The following WSB1 variants were observed in gnomAD, a reference collection of about 807,000 sequenced individuals.
The protein encoded by WSB1 is WD repeat and SOCS box containing 1, also known as WD repeat and SOCS box-containing protein 1.
Under a neutral mutation model 50.2 loss-of-function variants are expected in WSB1, and 23 were observed. That is an observed-to-expected ratio of 0.46 (90% CI 0.33 to 0.65). The LOEUF is 0.65. WSB1 is among the 30% of genes least tolerant of loss of function. The pLI is 0.02. For missense variants in WSB1, 492 were observed against 522.3 expected (o/e 0.94, Z 0.56); for synonymous variants, 179 against 172.0 (o/e 1.04, Z -0.32).
intron 2 of WSB1, chr17:27,302,845 C>A: frequency 6.5e-6 from 1 of 152,862 alleles, no homozygotes. Flanking sequence ...TATATTGGAT[C>A]TTTCCCTGTT....
Position 27,301,781 on chromosome 17 carries a change from C to T in WSB1, c.41-7C>T, listed in dbSNP as rs1365648963. The T allele has an allele frequency of 4.3e-6, 7 of 1,612,242 alleles. No homozygotes were observed. Among genetic ancestry groups the T allele is most frequent in the Non-Finnish European group, 5.9e-6 (7 of 1,179,298 alleles). On this transcript the variant is annotated splice_region_variant and splice_polypyrimidine_tract_variant and intron_variant, in intron 1 of 8. Transcript: ENST00000262394. ...ATGATATCCAGTATTTTTATTTTTC[C>T]TTTTAGTGAGATTACGTACTATAGG...
At chr17:27,308,984 C>T in intron 5 of WSB1, 116 bp from the exon 6 acceptor site, 8 of 1,324,402 alleles carry the variant, frequency 6.0e-6, no homozygotes, top group Non-Finnish European at 7.8e-6. Flanking sequence ...TTAAATTACT[C>T]ATAATTTATA....
chr17:27,299,232 A>C (rs928996379), intron 1 of WSB1, among the ~76,000 whole-genome samples: 9 of 152,094 alleles, frequency 5.9e-5, no homozygotes, highest in African/African-American at 2.2e-4. Flanking sequence ...TTGTATTAAG[A>C]AAGTTATGTG....
intron 7 of WSB1, 35 bp from the exon 8 acceptor site, chr17:27,311,474 T>C: frequency 6.5e-7 from 1 of 1,549,426 alleles, no homozygotes; most frequent in Non-Finnish European, 8.7e-7. Context: ...CCTTACATTT[T>C]CTACAAGATA....
chr17:27,303,832 T>C (rs1038612106), intron 3 of WSB1, 197 bp downstream of exon 3: 70 of 627,138 alleles, frequency 1.1e-4, no homozygotes, highest in Non-Finnish European at 1.8e-4. Context: ...GGAGTTCATA[T>C]TGCTTCATCA....
Position 27,309,088 on chromosome 17 carries a change from T to G in WSB1, c.712-12T>G. ...TCTGAATGAAGCTATAACATTTGCC[T>G]TTTTATTGCAGGTTTTCCTTTGGAA... On this transcript the variant is annotated splice_polypyrimidine_tract_variant and intron_variant, in intron 5 of 8. Coordinates refer to ENST00000262394, the MANE Select transcript of WSB1 (RefSeq NM_015626.10). 6.3e-7 allele frequency: 1 copy of G among 1,591,844 alleles called. No homozygotes were observed. Among genetic ancestry groups the G allele is most frequent in the Non-Finnish European group, 8.6e-7 (1 of 1,166,204 alleles).
At chr17:27,303,230 T>C in intron 2 of WSB1, 137 bp from the exon 3 acceptor site, 1 of 956,676 alleles carries the variant, frequency 1.0e-6, no homozygotes. Flanking sequence ...TCCCTTCCTA[T>C]CTATAGGATT....
rs1193105760 is a variant in WSB1 at position 27,294,240 on chromosome 17, G to C, written c.-156G>C. On this transcript the variant is annotated 5_prime_UTR_variant, in exon 1 of 9. Transcript: ENST00000262394. ...CTGAGGCCTTCGGGAGCTTTCCCGA[G>C]GCAGTTAGCAGAAGCCGCAGCGGCC... The C allele has an allele frequency of 8.2e-6, 8 of 977,558 alleles. No individual in the cohort carries two copies. In the African/African-American group the frequency reaches 1.3e-4, roughly 16 times the overall value. The allele number at this position is 977,558 out of a possible 1,614,324, so 60.6% of individuals were successfully genotyped here.
intron 1 of WSB1, among the ~76,000 whole-genome samples, chr17:27,296,237 C>A (rs1440783156): frequency 1.3e-5 from 2 of 151,100 alleles, no homozygotes; most frequent in African/African-American, 4.9e-5. Flanking sequence ...TTTCTCTTTT[C>A]TTTTCTTTCT....
At chr17:27,303,167 G>A (rs1221278396) in intron 2 of WSB1, 200 bp from the exon 3 acceptor site, 3 of 563,804 alleles carry the variant, frequency 5.3e-6, no homozygotes, top group Admixed American at 7.1e-5. Flanking sequence ...TTACTACTCA[G>A]TCACTGAGAA....
chr17:27,298,653 C>T (rs914697349), intron 1 of WSB1, among the ~76,000 whole-genome samples: 66 of 152,152 alleles, frequency 4.3e-4, no homozygotes, highest in Middle Eastern at 3.4e-3. Flanking sequence ...TAGTTCGAGA[C>T]CAGCCTGGCC....
chr17:27,311,330 T>C (rs930242445), intron 7 of WSB1, among the ~76,000 whole-genome samples, 179 bp from the exon 8 acceptor site: 4 of 152,224 alleles, frequency 2.6e-5, no homozygotes, highest in African/African-American at 9.6e-5. Context: ...ATTTACCAAC[T>C]GATATTATAG....
chr17:27,312,293 G>A lies in WSB1; in HGVS notation c.1190G>A (p.Arg397Lys). ...LQHLCRMSIR[R>K]VMPTQEVQEL... ...CATTTATGTCGCATGTCAATCCGAA[G>A]AGTGATGCCCACCCAAGAAGTTCAG... Residue 397 changes from arginine (R) to lysine (K), a missense_variant, in exon 9 of 9, where the codon AGA (arginine) becomes AAA (lysine). By Grantham distance (26) the Arg-to-Lys change is conservative. Coordinates refer to ENST00000262394, the MANE Select transcript of WSB1 (RefSeq NM_015626.10). 1 of 1,614,174 alleles carries A rather than the reference G, an allele frequency of 6.2e-7. No individual in the cohort carries two copies. Among genetic ancestry groups the A allele is most frequent in the Non-Finnish European group, 8.5e-7 (1 of 1,180,028 alleles).
chr17:27,307,928 C>G (rs1225701101), intron 5 of WSB1: 1 of 1,249,582 alleles, frequency 8.0e-7, no homozygotes, highest in Non-Finnish European at 1.0e-6. Flanking sequence ...AGGTGCTGGT[C>G]GATGTCCACT....
chr17:27,308,656 G>A, intron 5 of WSB1: 5 of 986,434 alleles, frequency 5.1e-6, no homozygotes, highest in Non-Finnish European at 6.0e-6. Context: ...CTCAAAGGGA[G>A]ATGCCAATGG....
intron 5 of WSB1, chr17:27,307,887 C>A: frequency 6.9e-7 from 1 of 1,444,480 alleles, no homozygotes; most frequent in Non-Finnish European, 9.1e-7. Context: ...AGTAACCTTG[C>A]ATTCGGCTGC....
intron 1 of WSB1, among the ~76,000 whole-genome samples, chr17:27,299,101 A>G (rs2017113397): frequency 6.6e-6 from 1 of 152,234 alleles, no homozygotes; most frequent in South Asian, 2.1e-4. Context: ...TGGTAAAAGG[A>G]ACAAATAAGG....
chr17:27,310,914 C>T (rs773404011), intron 7 of WSB1, among the ~76,000 whole-genome samples: 16 of 152,160 alleles, frequency 1.1e-4, no homozygotes, highest in Non-Finnish European at 2.4e-4. Context: ...GGTGCAATCA[C>T]ATCTCACCAC....
chr17:27,306,639 G>A (rs1357770807), intron 4 of WSB1, 143 bp from the exon 5 acceptor site: 1 of 700,912 alleles, frequency 1.4e-6, no homozygotes, highest in Non-Finnish European at 2.4e-6. Flanking sequence ...AACCTAAGCA[G>A]CTGGTGTATA....
Sources: gnomAD v4.1 joint callset for allele counts (sites outside exome capture counted in the v4.1 genomes callset) on GRCh38, gnomAD v4.1.1 for gene constraint, MANE v1.5 for transcripts, NCBI Gene and HGNC (gene_info 2026-07-23, HGNC 2026-07-21) for gene names.